ACYP2: variants seen among roughly 807,000 people sequenced by gnomAD.
The protein encoded by ACYP2 is acylphosphatase-2.
In ACYP2, 12 loss-of-function variants were observed where a neutral mutation model predicts 11.2. That is an observed-to-expected ratio of 1.08 (90% CI 0.69 to 1.74). The LOEUF (loss-of-function observed/expected upper bound fraction) is 1.74, where lower values mean the gene tolerates loss of function less well. Ranked by LOEUF, ACYP2 falls within the 40% of genes most tolerant of loss-of-function variation. The pLI, the probability that ACYP2 is intolerant of heterozygous loss-of-function variation, is 0.00. For missense variants in ACYP2, 134 were observed against 101.9 expected (o/e 1.31, Z -1.35); for synonymous variants, 43 against 32.2 (o/e 1.33, Z -1.13).
intron 2 of ACYP2, among the ~76,000 whole-genome samples, chr2:53,997,933 C>A (rs1214545691): frequency 6.6e-6 from 1 of 152,126 alleles, no homozygotes; most frequent in Admixed American, 6.6e-5. Flanking sequence ...GAATTCTATA[C>A]CCAAGGTTCA....
intron 6 of ACYP2, among the ~76,000 whole-genome samples, chr2:54,276,456 AGAC>A (rs1688575871): frequency 6.6e-6 from 1 of 152,192 alleles, no homozygotes; most frequent in Admixed American, 6.5e-5. Flanking sequence ...CCCACTGAGA[AGAC>A]TCAATACCAT....
chr2:54,254,787 G>T (rs904991406), intron 6 of ACYP2: 4 of 865,604 alleles, frequency 4.6e-6, no homozygotes, highest in Admixed American at 2.7e-5. Context: ...TGAGAGAACG[G>T]AAAGTTTAAA....
intron 6 of ACYP2, among the ~76,000 whole-genome samples, chr2:54,219,223 T>G (rs1231967971): frequency 6.6e-6 from 1 of 152,126 alleles, no homozygotes; most frequent in African/African-American, 2.4e-5. Context: ...GTGTAAGAGG[T>G]GGGACTTGAG....
At chr2:54,013,490 C>T (rs192999307) in intron 2 of ACYP2, among the ~76,000 whole-genome samples, 15 of 151,752 alleles carry the variant, frequency 9.9e-5, no homozygotes, top group Admixed American at 5.9e-4. Context: ...AGTAGAGACG[C>T]GGTTTCATCA....
intron 6 of ACYP2, among the ~76,000 whole-genome samples, chr2:54,228,814 C>T (rs907681745): frequency 6.6e-6 from 1 of 151,940 alleles, no homozygotes; most frequent in Admixed American, 6.6e-5. Context: ...TATAAGGGGC[C>T]CATAACCAGG....
intron 6 of ACYP2, among the ~76,000 whole-genome samples, chr2:54,270,915 A>G (rs1688269025): frequency 6.6e-6 from 1 of 152,170 alleles, no homozygotes; most frequent in Non-Finnish European, 1.5e-5. Context: ...AAATCTGTTT[A>G]TCTTGTTTTG....
At chr2:54,268,877 G>C (rs1396014482) in intron 6 of ACYP2, among the ~76,000 whole-genome samples, 2 of 152,070 alleles carry the variant, frequency 1.3e-5, no homozygotes, top group African/African-American at 2.4e-5. Flanking sequence ...AGGCATTTAA[G>C]TGACATATTC....
intron 6 of ACYP2, among the ~76,000 whole-genome samples, chr2:54,229,972 A>G (rs1429219665): frequency 6.6e-6 from 1 of 152,178 alleles, no homozygotes; most frequent in African/African-American, 2.4e-5. Context: ...GGGTCTAGGG[A>G]GTCATGTCCT....
chr2:54,249,848 G>A (rs1393895043), intron 6 of ACYP2, among the ~76,000 whole-genome samples: 4 of 149,388 alleles, frequency 2.7e-5, no homozygotes, highest in Non-Finnish European at 5.9e-5. Flanking sequence ...GCTGGCTGAG[G>A]CAGATCACTT....
intron 4 of ACYP2, among the ~76,000 whole-genome samples, chr2:54,118,039 T>C (rs192785828): frequency 2.6e-5 from 4 of 152,338 alleles, no homozygotes; most frequent in South Asian, 4.1e-4. Flanking sequence ...TTTCCATTCA[T>C]GAGTTACTTC....
chr2:54,029,803 G>A lies in ACYP2; in HGVS notation c.63-21155G>A, dbSNP rs1165595343. ...CCAGTTTAGCCATGGTGACACTTGGGGGGCATTCCTATTTGAACAGTGCCC... is the reference window on the plus strand; with the variant it reads ...CCAGTTTAGCCATGGTGACACTTGGAGGGCATTCCTATTTGAACAGTGCCC... On this transcript the variant is annotated intron_variant, in intron 2 of 6. Coordinates refer to ENST00000607452, the MANE Select transcript of ACYP2 (RefSeq NM_001320586.2). 7.1e-6 allele frequency: 4 copies of A among 560,988 alleles called. No homozygotes were observed. The East Asian group carries it at 1.6e-4, about 23-fold the overall frequency. 34.8% of individuals were successfully genotyped at this position (560,988 alleles called of 1,614,324 possible). A position where few individuals can be genotyped will look rare whatever the true frequency, so the allele number is the denominator to read the frequency against.
intron 2 of ACYP2, among the ~76,000 whole-genome samples, chr2:53,998,302 C>A (rs1263336293): frequency 6.6e-6 from 1 of 152,146 alleles, no homozygotes; most frequent in Non-Finnish European, 1.5e-5. Flanking sequence ...ACAGACTTTT[C>A]CTCCCAGAAA....
At position 54,304,852 on chromosome 2, in the gene ACYP2, A is replaced by T. The variant is rs765479224; in HGVS notation, c.*50A>T. On this transcript the variant is annotated 3_prime_UTR_variant, in exon 7 of 7. Transcript: ENST00000607452. ...TGAACAATAGATACTGTATGTTCTT[A>T]AGACTATGTATACTAGAATAATAGT... The T allele has an allele frequency of 5.7e-5, 62 of 1,088,572 alleles. No homozygotes were observed. In the East Asian group the frequency reaches 1.5e-3, roughly 27 times the overall value. 67.4% of individuals were successfully genotyped at this position (1,088,572 alleles called of 1,614,324 possible).
intron 6 of ACYP2, among the ~76,000 whole-genome samples, chr2:54,189,645 T>C (rs971696096): frequency 6.6e-6 from 1 of 152,204 alleles, no homozygotes; most frequent in Non-Finnish European, 1.5e-5. Context: ...TCTTGGCTAT[T>C]GTGAATAACG....
chr2:54,158,202 T>G (rs1024133576), intron 6 of ACYP2, among the ~76,000 whole-genome samples: 10 of 150,728 alleles, frequency 6.6e-5, no homozygotes, highest in Non-Finnish European at 1.2e-4. Flanking sequence ...ACTTTGTTTT[T>G]TTTTTTTTTT....
intron 2 of ACYP2, among the ~76,000 whole-genome samples, chr2:54,044,129 C>T (rs1362188301): frequency 6.6e-6 from 1 of 152,166 alleles, no homozygotes; most frequent in East Asian, 1.9e-4. Context: ...ACACACAGAG[C>T]CCATTGTTTT....
intron 4 of ACYP2, among the ~76,000 whole-genome samples, chr2:54,090,669 GC>G (rs921096414): frequency 1.3e-5 from 2 of 151,976 alleles, no homozygotes; most frequent in Non-Finnish European, 2.9e-5. Context: ...CTCCCTTCCT[GC>G]CTTTGCCAAT....
intron 6 of ACYP2, among the ~76,000 whole-genome samples, chr2:54,283,496 ATAT>A (rs1328918410): frequency 3.9e-5 from 6 of 152,294 alleles, no homozygotes; most frequent in African/African-American, 1.2e-4. Context: ...TAAGGTATAA[ATAT>A]TATTAAACCC....
chr2:54,178,168 A>C (rs1028021550), intron 6 of ACYP2, among the ~76,000 whole-genome samples: 2 of 152,082 alleles, frequency 1.3e-5, no homozygotes, highest in African/African-American at 4.8e-5. Context: ...CATGATTTTT[A>C]TTGGCCATGT....
Sources: gnomAD v4.1 joint callset for allele counts (sites outside exome capture counted in the v4.1 genomes callset) on GRCh38, gnomAD v4.1.1 for gene constraint, MANE v1.5 for transcripts, NCBI Gene and HGNC (gene_info 2026-07-23, HGNC 2026-07-21) for gene names.